The following NBR1 variants were observed in gnomAD, a reference collection of about 807,000 sequenced individuals.
NBR1 encodes the protein next to BRCA1 gene 1 protein.
Under a neutral mutation model 115.5 loss-of-function variants are expected in NBR1, and 59 were observed. The ratio of observed to expected loss-of-function variants is 0.51; its 90% CI spans 0.41 to 0.63. The LOEUF is 0.63. NBR1 is among the 30% of genes least tolerant of loss of function. The probability of loss-of-function intolerance (pLI) is 0.00; values close to 1 mark genes in which losing one functional copy is unlikely to be tolerated. For missense variants in NBR1, 1,043 were observed against 1,150.5 expected (o/e 0.91, Z 1.35); for synonymous variants, 373 against 414.7 (o/e 0.90, Z 1.22).
At chr17:43,181,531 G>GGT (rs76656172) in intron 5 of NBR1, among the ~76,000 whole-genome samples, 131,304 of 151,922 alleles carry the variant, frequency 0.86, 59,769 homozygotes, top group East Asian at 1. Context: ...AGCCGGGCGT[G>GGT]GGCGGGTGCC....
intron 17 of NBR1, among the ~76,000 whole-genome samples, 162 bp from the exon 18 acceptor site, chr17:43,201,524 A>G (rs1269889113): frequency 1.3e-5 from 2 of 152,230 alleles, no homozygotes; most frequent in Admixed American, 1.3e-4. Flanking sequence ...ATGGGGTAGA[A>G]TGTAGCCCTT....
In NBR1 at chr17:43,193,405, G is replaced by T; in HGVS notation, c.1291G>T (p.Val431Phe). The change falls in exon 12 of 21, where the codon GTT becomes TTT. Residue 431 changes from valine (V) to phenylalanine (F), a missense_variant. Coordinates refer to ENST00000590996, the MANE Select transcript of NBR1 (RefSeq NM_005899.5). The stretch of plus-strand genomic sequence containing the variant: ...TTCCACAGAAAAGAAGGATGTTTTG[G>T]TTCCCTGCCTCAAGGCCGGCCATGT... Reference protein sequence around the residue: ...LASTEKKDVLVPCLKAGHVGV... With the variant: ...LASTEKKDVLFPCLKAGHVGV... 6.2e-7 allele frequency: 1 copy of T among 1,613,918 alleles called. No individual in the cohort carries two copies. The highest frequency in any genetic ancestry group is 1.1e-5 in the South Asian group (1 of 91,070).
At chr17:43,182,702 G>C (rs2056702658) in intron 5 of NBR1, among the ~76,000 whole-genome samples, 1 of 151,588 alleles carries the variant, frequency 6.6e-6, no homozygotes, top group Non-Finnish European at 1.5e-5. Flanking sequence ...ATTGTGAAAT[G>C]ATTACCACAA....
chr17:43,172,825 A>AT (rs1555607138), intron 1 of NBR1, among the ~76,000 whole-genome samples: 1 of 151,992 alleles, frequency 6.6e-6, no homozygotes, highest in Non-Finnish European at 1.5e-5. Flanking sequence ...CTGGTTTATT[A>AT]TTATTTATTT....
At chr17:43,172,277 C>T (rs1443839618) in intron 1 of NBR1, among the ~76,000 whole-genome samples, 1 of 152,196 alleles carries the variant, frequency 6.6e-6, no homozygotes, top group African/African-American at 2.4e-5. Context: ...TTTTACATGT[C>T]AGCCAAAGAG....
At chr17:43,174,415 G>A (rs1232056682) in intron 1 of NBR1, among the ~76,000 whole-genome samples, 2 of 152,088 alleles carry the variant, frequency 1.3e-5, no homozygotes, top group Non-Finnish European at 2.9e-5. Context: ...GGCTATCACG[G>A]TGAAACCCCG....
intron 9 of NBR1, 79 bp downstream of exon 9, chr17:43,190,855 C>T: frequency 1.5e-6 from 2 of 1,363,834 alleles, no homozygotes; most frequent in Non-Finnish European, 2.0e-6. Context: ...CACAAAACTA[C>T]AGATAGTCTC....
rs1397015304 is a variant in NBR1 at position 43,200,063 on chromosome 17, C to T, written c.2027-104C>T. ...CCTTTAGTTCTTCCCTCTCCTCTGGCTTTCATAATTCTAGCTTATGATCCA... is the reference window on the plus strand; with the variant it reads ...CCTTTAGTTCTTCCCTCTCCTCTGGTTTTCATAATTCTAGCTTATGATCCA... On this transcript the variant is annotated intron_variant, in intron 16 of 20. Transcript: ENST00000590996. The T allele has an allele frequency of 8.5e-5, 79 of 934,392 alleles. 2 individuals carry two copies. In the East Asian group the frequency reaches 2.1e-3, roughly 25 times the overall value. 57.9% of individuals were successfully genotyped at this position (934,392 alleles called of 1,614,324 possible). A position where few individuals can be genotyped will look rare whatever the true frequency, so the allele number is the denominator to read the frequency against.
At chr17:43,180,997 G>C (rs368607943) in intron 5 of NBR1, among the ~76,000 whole-genome samples, 180 bp downstream of exon 5, 1 of 151,860 alleles carries the variant, frequency 6.6e-6, no homozygotes, top group Non-Finnish European at 1.5e-5. Flanking sequence ...TCAGCCTCCC[G>C]AGTAGCTGGA....
At chr17:43,180,860 T>C in intron 5 of NBR1, 43 bp downstream of exon 5, 1 of 1,353,908 alleles carries the variant, frequency 7.4e-7, no homozygotes, top group South Asian at 1.6e-5. Context: ...TTAAAAAATA[T>C]TATTATGGGT....
chr17:43,196,179 A>C, intron 14 of NBR1: 2 of 222,790 alleles, frequency 9.0e-6, no homozygotes, highest in Non-Finnish European at 8.6e-6. Flanking sequence ...CTATAAAGGA[A>C]TCCTCTTCTC....
rs1174667635 is a variant in NBR1, at chr17:43,180,867, G to A, written c.207+50G>A. 5 of 1,339,348 alleles carry A rather than the reference G, an allele frequency of 3.7e-6. No homozygotes were observed. In the South Asian group the frequency reaches 8.1e-5, roughly 22 times the overall value. The allele number at this position is 1,339,348 out of a possible 1,614,324, so 83.0% of individuals were successfully genotyped here. A position where few individuals can be genotyped will look rare whatever the true frequency, so the allele number is the denominator to read the frequency against. On this transcript the variant is annotated intron_variant, in intron 5 of 20. Coordinates refer to ENST00000590996, the MANE Select transcript of NBR1 (RefSeq NM_005899.5). ...TAAATAATTTAAAAAATATTATTAT[G>A]GGTTGGTTTTTTTTCTTTTTTTGAG...
chr17:43,180,739 A>G (rs1294608177), intron 4 of NBR1, 56 bp from the exon 5 acceptor site: 2 of 1,383,760 alleles, frequency 1.4e-6, no homozygotes, highest in Non-Finnish European at 9.4e-7. Flanking sequence ...TTAAAATAAT[A>G]GAATCTTTTG....
At chr17:43,201,557 C>T (rs1234223603) in intron 17 of NBR1, 129 bp from the exon 18 acceptor site, 1 of 641,494 alleles carries the variant, frequency 1.6e-6, no homozygotes, top group Non-Finnish European at 2.8e-6. Flanking sequence ...TAAATCCAGA[C>T]ATGTGATCTG....
intron 19 of NBR1, 56 bp downstream of exon 19, chr17:43,202,768 T>G: frequency 7.1e-7 from 1 of 1,405,742 alleles, no homozygotes; most frequent in Non-Finnish European, 9.8e-7. Context: ...CTTGTATTCC[T>G]TCTGCTTAAA....
chr17:43,178,603 C>T (rs937857427), intron 3 of NBR1, among the ~76,000 whole-genome samples: 1 of 151,892 alleles, frequency 6.6e-6, no homozygotes, highest in Non-Finnish European at 1.5e-5. Flanking sequence ...TCTCGAACTC[C>T]TGGGCTCAAG....
intron 10 of NBR1, 24 bp downstream of exon 10, chr17:43,191,605 G>A (rs780507909): frequency 2.6e-6 from 4 of 1,544,624 alleles, no homozygotes; most frequent in Middle Eastern, 1.8e-4. Flanking sequence ...TGGGGTGGGA[G>A]CCAAAACTTT....
At chr17:43,209,004 G>GT (rs1265509764) in intron 20 of NBR1, among the ~76,000 whole-genome samples, 1 of 151,420 alleles carries the variant, frequency 6.6e-6, no homozygotes, top group East Asian at 1.9e-4. Flanking sequence ...CAAAACAAGC[G>GT]TTTAAGGATT....
chr17:43,183,056 G>A (rs922625634), intron 5 of NBR1, among the ~76,000 whole-genome samples: 10 of 151,180 alleles, frequency 6.6e-5, no homozygotes, highest in Non-Finnish European at 1.2e-4. Flanking sequence ...GAGCCACTGC[G>A]CCTGGCGTCT....
Sources: allele counts gnomAD v4.1 joint callset (sites outside exome capture counted in the v4.1 genomes callset), GRCh38; gene constraint gnomAD v4.1.1; transcripts MANE v1.5; gene names NCBI Gene and HGNC (gene_info 2026-07-23, HGNC 2026-07-21).